HOMER1: variants seen among roughly 807,000 people sequenced by gnomAD.
The protein encoded by HOMER1 is homer protein homolog 1.
Under a neutral mutation model 48.9 loss-of-function variants are expected in HOMER1, and 3 were observed. The observed-to-expected ratio is 0.06, with a 90% CI of 0.03 to 0.16. The LOEUF (loss-of-function observed/expected upper bound fraction) is 0.16. Ranked by LOEUF, HOMER1 falls within the 10% of genes least tolerant of loss-of-function variation. HOMER1 has a pLI of 1.00. For missense variants in HOMER1, 247 were observed against 411.4 expected (o/e 0.60, Z 3.46); for synonymous variants, 134 against 146.4 (o/e 0.92, Z 0.61).
chr5:79,498,439 CT>C (rs1752485301), intron 1 of HOMER1, among the ~76,000 whole-genome samples: 1 of 152,148 alleles, frequency 6.6e-6, no homozygotes, highest in African/African-American at 2.4e-5. Context: ...TGTATCTGAC[CT>C]ACATTAGAGT....
chr5:79,397,647 A>C lies in HOMER1; in HGVS notation c.685-10T>G. ...ATTCAAGTTCAGTCACCTAAAATTA[A>C]ATGAGAACACAGATTAACTTAAATT... On this transcript the variant is annotated splice_polypyrimidine_tract_variant and intron_variant, in intron 6 of 8. Transcript: ENST00000334082. The C allele has an allele frequency of 6.6e-7, 1 of 1,511,418 alleles. No homozygotes were observed. Among genetic ancestry groups the C allele is most frequent in the Non-Finnish European group, 9.1e-7 (1 of 1,095,368 alleles). The allele number at this position is 1,511,418 out of a possible 1,614,324, so 93.6% of individuals were successfully genotyped here.
chr5:79,384,746 C>T (rs933663901), intron 8 of HOMER1, among the ~76,000 whole-genome samples: 1 of 152,088 alleles, frequency 6.6e-6, no homozygotes, highest in African/African-American at 2.4e-5. Context: ...TAAAAATCCT[C>T]AACAAAATAC....
At chr5:79,418,572 C>G (rs1750007479) in intron 5 of HOMER1, among the ~76,000 whole-genome samples, 2 of 152,176 alleles carry the variant, frequency 1.3e-5, no homozygotes, top group Non-Finnish European at 2.9e-5. Context: ...AATCTAACAC[C>G]CTCTTTTGTA....
intron 3 of HOMER1, 94 bp from the exon 4 acceptor site, chr5:79,447,239 G>C (rs1371570648): frequency 2.7e-6 from 2 of 739,336 alleles, no homozygotes; most frequent in Non-Finnish European, 4.7e-6. Flanking sequence ...CTGAATAACT[G>C]ACTCTACACA....
chr5:79,496,784 G>A (rs991843695), intron 1 of HOMER1, among the ~76,000 whole-genome samples: 2 of 152,108 alleles, frequency 1.3e-5, no homozygotes, highest in African/African-American at 4.8e-5. Flanking sequence ...AAAATTTCTG[G>A]CCAGGCACGG....
intron 1 of HOMER1, among the ~76,000 whole-genome samples, chr5:79,488,733 G>A (rs954738092): frequency 2.6e-5 from 4 of 152,130 alleles, no homozygotes; most frequent in African/African-American, 9.7e-5. Flanking sequence ...ACCATTCATT[G>A]AGTAGCTATT....
Position 79,476,420 on chromosome 5 carries a change from T to C in HOMER1, c.6-19402A>G, listed in dbSNP as rs1751780178. Among the ~76,000 whole-genome samples the C allele has an allele frequency of 3.9e-5, 6 of 152,114 alleles. No individual in the cohort carries two copies. In the South Asian group the frequency reaches 1.2e-3, roughly 32 times the overall value. On this transcript the variant is annotated intron_variant, in intron 1 of 8. Transcript: ENST00000334082. ...TTAATTTTGACACTCTACCTGGAGA[T>C]AGTATAGTGTCAGATCGCACAGGCT...
chr5:79,501,485 C>A (rs1752588656), intron 1 of HOMER1, among the ~76,000 whole-genome samples: 1 of 152,132 alleles, frequency 6.6e-6, no homozygotes, highest in African/African-American at 2.4e-5. Flanking sequence ...CCACCATGTT[C>A]AAGGGACAAT....
At chr5:79,433,156 C>A (rs1750469789) in intron 5 of HOMER1, among the ~76,000 whole-genome samples, 1 of 152,074 alleles carries the variant, frequency 6.6e-6, no homozygotes, top group Non-Finnish European at 1.5e-5. Context: ...TGCTTACCAC[C>A]CATTAAAAAG....
intron 8 of HOMER1, among the ~76,000 whole-genome samples, chr5:79,380,814 GC>G (rs1192819017): frequency 6.6e-6 from 1 of 152,100 alleles, no homozygotes; most frequent in Admixed American, 6.5e-5. Context: ...TACCTTCCTG[GC>G]TGCTACCACC....
intron 5 of HOMER1, among the ~76,000 whole-genome samples, chr5:79,422,652 A>G (rs1381915532): frequency 1.3e-5 from 2 of 152,024 alleles, no homozygotes; most frequent in African/African-American, 4.8e-5. Context: ...AACTATAAAA[A>G]ATAAAAATTA....
chr5:79,451,227 A>G (rs1751017779), intron 2 of HOMER1, 106 bp from the exon 3 acceptor site: 3 of 1,067,586 alleles, frequency 2.8e-6, no homozygotes, highest in South Asian at 3.2e-5. Flanking sequence ...AATAAGCCAC[A>G]ACGTTAAATA....
intron 1 of HOMER1, among the ~76,000 whole-genome samples, chr5:79,472,022 T>C (rs956493474): frequency 1.3e-5 from 2 of 152,194 alleles, no homozygotes; most frequent in Non-Finnish European, 2.9e-5. Context: ...TTCTCCCCCA[T>C]GGTACTTATC....
At position 79,434,490 on chromosome 5, in the gene HOMER1, C is replaced by T. The variant is rs115772915; in HGVS notation, c.527+4520G>A. Among the ~76,000 whole-genome samples, 1,272 of 152,146 alleles carry T rather than the reference C, an allele frequency of 8.4e-3. 19 individuals are homozygous for T. Among genetic ancestry groups the T allele is most frequent in the African/African-American group, 0.027 (1,139 of 41,534 alleles). On this transcript the variant is annotated intron_variant, in intron 5 of 8. Transcript: ENST00000334082. The stretch of plus-strand genomic sequence containing the variant: ...CTACTTTACTTGATATATAGCTAAT[C>T]TAAGATTGGTTTCAAAGGATGTTCA...
Position 79,513,187 on chromosome 5 carries a change from C to A in HOMER1, c.-413G>T, listed in dbSNP as rs778256811. ...CTCGGCCTTTTCGGAGCTAAGGCTG[C>A]GGGTTCAAATTTCTCCACCACACCA... is the stretch of plus-strand genomic sequence containing the variant. On this transcript the variant is annotated 5_prime_UTR_variant, in exon 1 of 9. Transcript: ENST00000334082. 1.1e-4 allele frequency: 19 copies of A among 176,700 alleles called. No individual in the cohort carries two copies. Among genetic ancestry groups the A allele is most frequent in the Non-Finnish European group, 1.8e-4 (15 of 84,274 alleles). 10.9% of individuals were successfully genotyped at this position (176,700 alleles called of 1,614,324 possible).
intron 5 of HOMER1, among the ~76,000 whole-genome samples, chr5:79,406,569 C>T (rs1014018226): frequency 1.3e-5 from 2 of 152,204 alleles, no homozygotes; most frequent in African/African-American, 4.8e-5. Context: ...GAGAGACTTC[C>T]ATTTGGGAAA....
chr5:79,474,337 G>GCTA (rs1264365839), intron 1 of HOMER1, among the ~76,000 whole-genome samples: 1 of 147,744 alleles, frequency 6.8e-6, no homozygotes, highest in African/African-American at 2.6e-5. Context: ...ACAGGCATGA[G>GCTA]CTACTGCTCC....
rs901712345 is a variant in HOMER1 at position 79,402,025 on chromosome 5, T to C, written c.558A>G (p.Glu186=). 6 of 1,613,750 alleles carry C rather than the reference T, an allele frequency of 3.7e-6. No homozygotes were observed. In the African/African-American group the frequency reaches 6.7e-5, roughly 18 times the overall value. ...CATTATTTCCTTTGAGGGTAGCCAG[T>C]TCAGCCTCCCAATGTTTGCTGATTG... ...SSAISKHWEA[E]LATLKGNNAK... Residue 186 remains glutamate, a synonymous_variant, in exon 6 of 9, where the codon GAA becomes GAG. Coordinates refer to ENST00000334082, the MANE Select transcript of HOMER1 (RefSeq NM_004272.5).
chr5:79,471,383 A>G (rs1165372020), intron 1 of HOMER1, among the ~76,000 whole-genome samples: 1 of 151,920 alleles, frequency 6.6e-6, no homozygotes, highest in African/African-American at 2.4e-5. Context: ...CGTCTCTACT[A>G]AAAATACAAA....
Sources: allele counts gnomAD v4.1 joint callset (sites outside exome capture counted in the v4.1 genomes callset), GRCh38; gene constraint gnomAD v4.1.1; transcripts MANE v1.5; gene names NCBI Gene and HGNC (gene_info 2026-07-23, HGNC 2026-07-21).